Variants in KDM2B observed in about 807,000 individuals in gnomAD.
The protein encoded by KDM2B is lysine-specific demethylase 2B.
Under a neutral mutation model 150.0 loss-of-function variants are expected in KDM2B, and 26 were observed. The observed-to-expected ratio is 0.17, with a 90% CI of 0.13 to 0.24. The LOEUF (loss-of-function observed/expected upper bound fraction) is 0.24, where lower values mean the gene tolerates loss of function less well. KDM2B is among the 10% of genes least tolerant of loss of function. The pLI, the probability that KDM2B is intolerant of heterozygous loss-of-function variation, is 1.00. For synonymous variants in KDM2B, 734 were observed against 729.5 expected, an observed-to-expected ratio of 1.01 and a Z score of -0.10; for missense variants, 1,265 against 1,816.9, an observed-to-expected ratio of 0.70 and a Z score of 5.52.
intron 4 of KDM2B, among the ~76,000 whole-genome samples, chr12:121,557,417 T>C (rs1445442886): frequency 6.6e-6 from 1 of 151,888 alleles, no homozygotes; most frequent in East Asian, 1.9e-4. Context: ...TTTTTGTATT[T>C]TTAGTAGAGA....
chr12:121,563,616 TCAAAA>T (rs1274503159), intron 4 of KDM2B, among the ~76,000 whole-genome samples: 2 of 130,376 alleles, frequency 1.5e-5, no homozygotes, highest in Admixed American at 1.6e-4. Flanking sequence ...AAAAAAAAAG[TCAAAA>T]CAAAACAAAA....
chr12:121,579,968 C>CAAAA, intron 1 of KDM2B: 1 of 1,234,448 alleles, frequency 8.1e-7, no homozygotes, highest in Non-Finnish European at 1.1e-6. Flanking sequence ...AAAGATCTAT[C>CAAAA]ATATGCCAGA....
chr12:121,545,484 A>C (rs1327359353), intron 6 of KDM2B, among the ~76,000 whole-genome samples: 1 of 152,148 alleles, frequency 6.6e-6, no homozygotes, highest in Non-Finnish European at 1.5e-5. Flanking sequence ...TATTTAAAGG[A>C]ATCTTTCAAT....
At chr12:121,460,686 G>T (rs1431020804) in intron 12 of KDM2B, among the ~76,000 whole-genome samples, 8 of 152,200 alleles carry the variant, frequency 5.3e-5, no homozygotes, top group African/African-American at 9.7e-5. Context: ...AGGATTACAG[G>T]TGTGAGCCAT....
At chr12:121,497,299 G>A (rs1555301199) in intron 11 of KDM2B, among the ~76,000 whole-genome samples, 2 of 152,200 alleles carry the variant, frequency 1.3e-5, no homozygotes, top group South Asian at 2.1e-4. Context: ...ACAAAGTTGG[G>A]TTTTGTTTGT....
chr12:121,547,477 T>G (rs1374559514), intron 6 of KDM2B, among the ~76,000 whole-genome samples: 2 of 152,170 alleles, frequency 1.3e-5, no homozygotes, highest in Non-Finnish European at 2.9e-5. Context: ...ATGCACTGAA[T>G]TAAGGGCTGA....
In KDM2B at chr12:121,458,734, G is replaced by A. The variant is rs186365075; in HGVS notation, c.1735-5390C>T. ...GAGAATCACTTGAACCCAGTGGGTG[G>A]AGGTTACAGTGAGCCAAGATCATGA... On this transcript the variant is annotated intron_variant, in intron 12 of 22. Transcript: ENST00000377071. Among the ~76,000 whole-genome samples the A allele has an allele frequency of 9.1e-3, 1,379 of 150,892 alleles. 13 individuals are homozygous for A. The highest frequency in any genetic ancestry group is 0.011 in the Non-Finnish European group (724 of 67,344).
chr12:121,572,363 C>T (rs1467812957), intron 4 of KDM2B, among the ~76,000 whole-genome samples: 2 of 152,234 alleles, frequency 1.3e-5, no homozygotes, highest in Non-Finnish European at 2.9e-5. Context: ...GCCCTCACAT[C>T]CCAGCTCCGT....
At chr12:121,475,182 C>CTGTGTGTGTGTGTG (rs60083867) in intron 12 of KDM2B, among the ~76,000 whole-genome samples, 29 of 139,764 alleles carry the variant, frequency 2.1e-4, no homozygotes, top group South Asian at 9.6e-4. Context: ...ACACATGACT[C>CTGTGTGTGTGTGTG]TGTGTGTGTG....
At chr12:121,543,837 G>T (rs554416517) in intron 6 of KDM2B, among the ~76,000 whole-genome samples, 1 of 149,748 alleles carries the variant, frequency 6.7e-6, no homozygotes, top group East Asian at 2.0e-4. Flanking sequence ...AACAAAATTA[G>T]GCCAGGAGTA....
In KDM2B at chr12:121,430,228, A is replaced by AT. The variant is rs1462068480; in HGVS notation, c.*59dup. ...TTCCAAATGGAAAATAAAAGCCCTC[A>AT]TTTTTGTAAAGTCTCTCCCCTCCCA... On this transcript the variant is annotated 3_prime_UTR_variant, in exon 23 of 23. Coordinates refer to ENST00000377071, the MANE Select transcript of KDM2B (RefSeq NM_032590.5). This position sits in a 1 kb window ranked among gnomAD's most constrained non-coding sequence, Gnocchi z 4.4. The AT allele has an allele frequency of 2.5e-6, 4 of 1,613,940 alleles. No individual in the cohort carries two copies. Among genetic ancestry groups the AT allele is most frequent in the African/African-American group, 1.3e-5 (1 of 74,880 alleles).
At chr12:121,536,410 CGCGGGCT>C (rs1365895072) in intron 6 of KDM2B, among the ~76,000 whole-genome samples, 4 of 152,236 alleles carry the variant, frequency 2.6e-5, no homozygotes, top group African/African-American at 4.8e-5. Flanking sequence ...CGAAGACAGG[CGCGGGCT>C]GCGGAGCTGG....
chr12:121,445,016 T>C (rs3817544), intron 14 of KDM2B: 180,095 of 486,866 alleles, frequency 0.37, 35,167 homozygotes, highest in East Asian at 0.42. Context: ...GTTTGCCATC[T>C]GCTGAGGCTC....
chr12:121,572,163 A>C (rs1267232830), intron 4 of KDM2B, among the ~76,000 whole-genome samples: 2 of 152,162 alleles, frequency 1.3e-5, no homozygotes, highest in Non-Finnish European at 2.9e-5. Flanking sequence ...ACGCCGCTGC[A>C]CTCTAGCTTG....
At chr12:121,570,337 C>A (rs782497112) in intron 4 of KDM2B, among the ~76,000 whole-genome samples, 4 of 152,098 alleles carry the variant, frequency 2.6e-5, no homozygotes, top group Non-Finnish European at 5.9e-5. Flanking sequence ...CAAGCGTGAG[C>A]CACTGCGCCT....
intron 12 of KDM2B, among the ~76,000 whole-genome samples, chr12:121,478,982 T>G (rs544678643): frequency 5.3e-5 from 8 of 151,220 alleles, no homozygotes; most frequent in Non-Finnish European, 8.8e-5. Flanking sequence ...CCTCCCAAAG[T>G]ACTGAGATTA....
chr12:121,526,631 G>A (rs1195235364), intron 8 of KDM2B, among the ~76,000 whole-genome samples: 8 of 152,088 alleles, frequency 5.3e-5, no homozygotes, highest in African/African-American at 1.4e-4. Flanking sequence ...GTGATAGGAC[G>A]ATTGTTTAAG....
chr12:121,478,638 C>T (rs997934442), intron 12 of KDM2B, among the ~76,000 whole-genome samples: 1 of 151,378 alleles, frequency 6.6e-6, no homozygotes, highest in South Asian at 2.1e-4. Context: ...GGATTACAGG[C>T]GTGAGCCACT....
chr12:121,518,405 T>G lies in KDM2B; in HGVS notation c.1047+2580A>C, dbSNP rs1555305387. On this transcript the variant is annotated intron_variant, in intron 9 of 22. Transcript: ENST00000377071. This position sits in a 1 kb window ranked among gnomAD's most constrained non-coding sequence, Gnocchi z 4.4. ...TCTCAAGACCAGAAATCAAGGCAGA[T>G]TAAACAACCTGCCGCTGCTCCCAGC... 1.3e-5 allele frequency among the ~76,000 whole-genome samples: 2 copies of G among 152,148 alleles called. No individual in the cohort carries two copies. Among genetic ancestry groups the G allele is most frequent in the Non-Finnish European group, 2.9e-5 (2 of 68,026 alleles).
Sources: gnomAD v4.1 joint callset for allele counts (sites outside exome capture counted in the v4.1 genomes callset) on GRCh38, gnomAD v4.1.1 for gene constraint, Gnocchi (gnomAD v3.1) non-coding constraint, MANE v1.5 for transcripts, NCBI Gene and HGNC (gene_info 2026-07-23, HGNC 2026-07-21) for gene names.